CLPB: variants seen among roughly 807,000 people sequenced by gnomAD.
The protein encoded by CLPB is ClpB family mitochondrial disaggregase.
CLPB carries 40 observed loss-of-function variants against 78.4 expected under a neutral mutation model. The observed-to-expected ratio is 0.51, with a 90% CI of 0.40 to 0.66. The LOEUF is 0.66. Among genes scored for constraint, CLPB ranks in the 30% least tolerant of loss-of-function variants. The pLI is 0.00. For missense variants in CLPB, 780 were observed against 886.9 expected, an observed-to-expected ratio of 0.88 and a Z score of 1.53; for synonymous variants, 333 against 348.0, an observed-to-expected ratio of 0.96 and a Z score of 0.48.
intron 6 of CLPB, among the ~76,000 whole-genome samples, chr11:72,317,954 C>T (rs1949978379): frequency 6.6e-6 from 1 of 152,242 alleles, no homozygotes; most frequent in Non-Finnish European, 1.5e-5. Flanking sequence ...GGCTTGCCCT[C>T]AGGCAGCTCA....
intron 3 of CLPB, among the ~76,000 whole-genome samples, chr11:72,386,603 A>G (rs1419920003): frequency 1.3e-5 from 2 of 152,252 alleles, no homozygotes; most frequent in Non-Finnish European, 2.9e-5. Context: ...ACACAAAGAT[A>G]CAGTCCTTAC....
chr11:72,309,703 T>A (rs2135514778), intron 7 of CLPB, among the ~76,000 whole-genome samples: 1 of 152,214 alleles, frequency 6.6e-6, no homozygotes, highest in East Asian at 1.9e-4. Context: ...CAAAAAAGTA[T>A]GAATTTTGGT....
intron 5 of CLPB, among the ~76,000 whole-genome samples, chr11:72,348,176 G>A (rs914703174): frequency 1.3e-5 from 2 of 152,168 alleles, no homozygotes; most frequent in Admixed American, 1.3e-4. Context: ...AGAGTTAGGT[G>A]GTTGCCTCTG....
At chr11:72,315,343 C>A (rs1454352805) in intron 7 of CLPB, among the ~76,000 whole-genome samples, 1 of 152,194 alleles carries the variant, frequency 6.6e-6, no homozygotes, top group Admixed American at 6.5e-5. Flanking sequence ...AGGAAGTCTG[C>A]CCAACAGGGC....
At chr11:72,424,724 A>C (rs1856315263) in intron 2 of CLPB, among the ~76,000 whole-genome samples, 1 of 152,182 alleles carries the variant, frequency 6.6e-6, no homozygotes, top group Non-Finnish European at 1.5e-5. Context: ...GTCTCTTTGT[A>C]AAATACAAAA....
intron 5 of CLPB, chr11:72,355,022 T>A (rs1446455402): frequency 2.6e-5 from 4 of 152,238 alleles, no homozygotes; most frequent in Non-Finnish European, 5.9e-5. Context: ...GTTTGCCTGA[T>A]CTGTCTTAGG....
intron 6 of CLPB, among the ~76,000 whole-genome samples, chr11:72,318,571 A>G (rs943192769): frequency 1.3e-5 from 2 of 152,222 alleles, no homozygotes; most frequent in Non-Finnish European, 2.9e-5. Flanking sequence ...AGGCCCTGTC[A>G]CAAAAGTTGT....
At chr11:72,385,263 A>AG (rs1334160147) in intron 3 of CLPB, among the ~76,000 whole-genome samples, 2 of 152,236 alleles carry the variant, frequency 1.3e-5, no homozygotes, top group Non-Finnish European at 2.9e-5. Flanking sequence ...GACCAGAGGC[A>AG]GGGACTCCAT....
rs371869002 is a variant in CLPB at position 72,434,424 on chromosome 11, G to T, written c.51C>A (p.Leu17=). The change falls in exon 1 of 16, where the codon CTC becomes CTA. Residue 17 remains leucine (L), a synonymous_variant. Coordinates refer to ENST00000538039, the MANE Select transcript of CLPB (RefSeq NM_001258392.3). ...GCGTTGGGGACCTGAGCAGCCGGAG[G>T]AGTAGCCGTGGCGCCAGTGCTTTTC... is the stretch of plus-strand genomic sequence containing the variant. ...LRRKALAPRL[L]LRLLRSPTLR... The T allele has an allele frequency of 8.5e-4, 1,346 of 1,588,754 alleles. 20 individuals carry two copies. The South Asian group carries it at 0.014, about 17-fold the overall frequency.
At chr11:72,333,719 G>A (rs1284914693) in intron 5 of CLPB, among the ~76,000 whole-genome samples, 1 of 152,168 alleles carries the variant, frequency 6.6e-6, no homozygotes, top group Non-Finnish European at 1.5e-5. Flanking sequence ...AAGGAACAAA[G>A]TGCTCAGGGA....
chr11:72,357,639 T>C (rs951758423), intron 5 of CLPB, among the ~76,000 whole-genome samples: 2 of 129,634 alleles, frequency 1.5e-5, no homozygotes, highest in Non-Finnish European at 3.1e-5. Flanking sequence ...GAGGTCACGG[T>C]AAGCCAAGAT....
chr11:72,391,624 C>T (rs1485907501), intron 3 of CLPB, among the ~76,000 whole-genome samples: 1 of 152,198 alleles, frequency 6.6e-6, no homozygotes, highest in African/African-American at 2.4e-5. Context: ...TGTCTCTGCC[C>T]TGCTCAGCCT....
At chr11:72,329,252 G>A (rs1950180473) in intron 6 of CLPB, among the ~76,000 whole-genome samples, 1 of 152,172 alleles carries the variant, frequency 6.6e-6, no homozygotes, top group African/African-American at 2.4e-5. Flanking sequence ...GTGTGTGGAG[G>A]GGAGGGGTGA....
chr11:72,382,295 C>A (rs1854940234), intron 3 of CLPB, among the ~76,000 whole-genome samples: 1 of 152,134 alleles, frequency 6.6e-6, no homozygotes. Context: ...GACCCAGGGC[C>A]CGGGCCCAAC....
intron 3 of CLPB, among the ~76,000 whole-genome samples, chr11:72,383,762 TAAAG>T (rs1555103769): frequency 6.6e-6 from 1 of 151,964 alleles, no homozygotes; most frequent in Non-Finnish European, 1.5e-5. Context: ...CAAGGAAAGA[TAAAG>T]ACTTTCCCAG....
chr11:72,419,072 G>C (rs996547311), intron 2 of CLPB, among the ~76,000 whole-genome samples: 3 of 152,034 alleles, frequency 2.0e-5, no homozygotes, highest in African/African-American at 7.2e-5. Context: ...CACAGAACAG[G>C]AAGTACAAGG....
chr11:72,433,276 T>C (rs1856599232), intron 1 of CLPB, among the ~76,000 whole-genome samples: 1 of 151,954 alleles, frequency 6.6e-6, no homozygotes, highest in African/African-American at 2.4e-5. Flanking sequence ...AATAAAGAAA[T>C]TGGTCAGACG....
At chr11:72,344,855 A>G (rs562468622) in intron 5 of CLPB, among the ~76,000 whole-genome samples, 10 of 152,374 alleles carry the variant, frequency 6.6e-5, no homozygotes, top group African/African-American at 1.9e-4. Context: ...CAAAAGTCCT[A>G]TAGAAAAGTG....
intron 6 of CLPB, among the ~76,000 whole-genome samples, chr11:72,318,385 G>A (rs1158584206): frequency 2.0e-5 from 3 of 152,198 alleles, no homozygotes; most frequent in Non-Finnish European, 4.4e-5. Flanking sequence ...ACTGTCTGGA[G>A]AACAGGCAAG....
Sources: gnomAD v4.1 joint callset for allele counts (sites outside exome capture counted in the v4.1 genomes callset) on GRCh38, gnomAD v4.1.1 for gene constraint, MANE v1.5 for transcripts, NCBI Gene and HGNC (gene_info 2026-07-23, HGNC 2026-07-21) for gene names.